The following SLC17A5 variants were observed in gnomAD, a reference collection of about 807,000 sequenced individuals.
SLC17A5 encodes the protein solute carrier family 17 member 5.
In SLC17A5, 47 loss-of-function variants were observed where a neutral mutation model predicts 59.4. The observed-to-expected ratio is 0.79, with a 90% confidence interval of 0.63 to 1.01. The LOEUF is 1.01. Ranked by LOEUF, SLC17A5 falls within the 50% of genes least tolerant of loss-of-function variation. The probability of loss-of-function intolerance (pLI) is 0.00; values close to 1 mark genes in which losing one functional copy is unlikely to be tolerated. For missense variants in SLC17A5, 522 were observed against 595.5 expected, an observed-to-expected ratio of 0.88 and a Z score of 1.28; for synonymous variants, 202 against 210.7, an observed-to-expected ratio of 0.96 and a Z score of 0.36.
At chr6:73,650,258 C>T (rs1769789347) in intron 1 of SLC17A5, among the ~76,000 whole-genome samples, 1 of 150,860 alleles carries the variant, frequency 6.6e-6, no homozygotes, top group Non-Finnish European at 1.5e-5. Context: ...GCCTGTAATC[C>T]CAGCACTCTG....
At chr6:73,650,796 A>G (rs1371245093) in intron 1 of SLC17A5, among the ~76,000 whole-genome samples, 1 of 152,166 alleles carries the variant, frequency 6.6e-6, no homozygotes. Context: ...AGAATATAAA[A>G]GTCTATAAGG....
rs144086033 is a variant in SLC17A5 at position 73,622,926 on chromosome 6, G to C, written c.820-964C>G. On this transcript the variant is annotated intron_variant, in intron 6 of 10. Coordinates refer to ENST00000355773, the MANE Select transcript of SLC17A5 (RefSeq NM_012434.5). ...ATATTTAATAAATATGTTGGCCCTG[G>C]AGTATGTCAGGTGATTACAAATCGT... Among the ~76,000 whole-genome samples the C allele has an allele frequency of 4.1e-3, 622 of 152,226 alleles. 1 individual carries two copies. Among genetic ancestry groups the C allele is most frequent in the African/African-American group, 0.014 (564 of 41,530 alleles).
intron 2 of SLC17A5, 118 bp from the exon 3 acceptor site, chr6:73,642,042 G>T: frequency 1.1e-6 from 1 of 874,990 alleles, no homozygotes; most frequent in Non-Finnish European, 1.9e-6. Context: ...TTGGACTGAA[G>T]AACATGCAAA....
At position 73,626,421 on chromosome 6, in the gene SLC17A5, C is replaced by T. The variant is rs972538701; in HGVS notation, c.820-4459G>A. On this transcript the variant is annotated intron_variant, in intron 6 of 10. Transcript: ENST00000355773. ...GTACAACACAACAGTTTTCTGTTCT[C>T]CCAATATGAATTGTAAGATCAACTT... Among the ~76,000 whole-genome samples, 3 of 152,168 alleles carry T rather than the reference C, an allele frequency of 2.0e-5. 1 individual carries two copies. The South Asian group carries it at 6.2e-4, about 32-fold the overall frequency.
At chr6:73,653,717 G>C (rs1769980525) in intron 1 of SLC17A5, 76 bp downstream of exon 1, 1 of 1,395,506 alleles carries the variant, frequency 7.2e-7, no homozygotes. Flanking sequence ...GCGGGTACCC[G>C]GGCCATGCCG....
At chr6:73,629,232 A>G (rs1398649614) in intron 6 of SLC17A5, among the ~76,000 whole-genome samples, 2 of 152,114 alleles carry the variant, frequency 1.3e-5, no homozygotes, top group Non-Finnish European at 2.9e-5. Flanking sequence ...TACAAAAAAT[A>G]CAAAAATTAG....
At chr6:73,647,526 T>C (rs1004295190) in intron 1 of SLC17A5, among the ~76,000 whole-genome samples, 1 of 152,234 alleles carries the variant, frequency 6.6e-6, no homozygotes, top group Admixed American at 6.5e-5. Context: ...TAATTTGTAA[T>C]GTTATTACTT....
chr6:73,619,399 A>C (rs1172555810), intron 7 of SLC17A5, among the ~76,000 whole-genome samples: 6 of 152,182 alleles, frequency 3.9e-5, no homozygotes, highest in African/African-American at 9.7e-5. Flanking sequence ...AACAAAGGCC[A>C]TCTGATGGCC....
intron 3 of SLC17A5, among the ~76,000 whole-genome samples, chr6:73,639,803 T>C (rs1168112613): frequency 6.6e-6 from 1 of 152,204 alleles, no homozygotes; most frequent in East Asian, 1.9e-4. Context: ...CCCAGCACTT[T>C]GGGAGGCGGA....
At position 73,594,733 on chromosome 6, in the gene SLC17A5, AT is replaced by A. The variant is rs1766719050; in HGVS notation, c.*343del. ...AGGTGTTTATCAGTACCTGAGAATT[AT>A]CATCTAGTTTAATTAAGCAAAGGTA... On this transcript the variant is annotated 3_prime_UTR_variant, in exon 11 of 11. Transcript: ENST00000355773. 1 of 308,014 alleles carries A rather than the reference AT, an allele frequency of 3.2e-6. No homozygotes were observed. The highest frequency in any genetic ancestry group is 6.2e-6 in the Non-Finnish European group (1 of 161,472). The allele number at this position is 308,014 out of a possible 1,614,324, so 19.1% of individuals were successfully genotyped here.
At chr6:73,617,804 C>T (rs892359093) in intron 7 of SLC17A5, among the ~76,000 whole-genome samples, 7 of 151,978 alleles carry the variant, frequency 4.6e-5, no homozygotes, top group Admixed American at 2.0e-4. Context: ...TGCGCCACTG[C>T]GCTCCAGCCT....
At chr6:73,652,207 G>A (rs1290931447) in intron 1 of SLC17A5, among the ~76,000 whole-genome samples, 9 of 152,174 alleles carry the variant, frequency 5.9e-5, no homozygotes, top group Non-Finnish European at 1.3e-4. Flanking sequence ...AGCCAGGAAG[G>A]ACAGGGCCAG....
intron 9 of SLC17A5, among the ~76,000 whole-genome samples, chr6:73,603,192 C>T (rs769623058): frequency 5.9e-5 from 9 of 151,772 alleles, no homozygotes; most frequent in Middle Eastern, 3.4e-3. Context: ...AGTACAGTGG[C>T]GCGATCTCAG....
rs551824111 is a variant in SLC17A5 at position 73,641,629 on chromosome 6, C to A, written c.525+62G>T. ...TCATATTCATACCAAAGAATGACAT[C>A]TTTAAGAAGAAGAGAAGGAGACACA... On this transcript the variant is annotated intron_variant, in intron 3 of 10. Transcript: ENST00000355773. 43 of 1,248,048 alleles carry A rather than the reference C, an allele frequency of 3.4e-5. No homozygotes were observed. The African/African-American group carries it at 5.4e-4, about 16-fold the overall frequency. The allele number at this position is 1,248,048 out of a possible 1,614,324, so 77.3% of individuals were successfully genotyped here.
chr6:73,599,616 G>C (rs952218486), intron 10 of SLC17A5, among the ~76,000 whole-genome samples: 1 of 152,162 alleles, frequency 6.6e-6, no homozygotes, highest in Non-Finnish European at 1.5e-5. Context: ...TTGAGACACA[G>C]AACTTTAGAA....
intron 8 of SLC17A5, among the ~76,000 whole-genome samples, chr6:73,612,599 G>A (rs1767680203): frequency 6.6e-6 from 1 of 152,074 alleles, no homozygotes; most frequent in East Asian, 1.9e-4. Context: ...TTTAGAGATA[G>A]GGTATTGCTC....
intron 6 of SLC17A5, among the ~76,000 whole-genome samples, chr6:73,629,035 G>T (rs1212894503): frequency 6.6e-6 from 1 of 152,172 alleles, no homozygotes; most frequent in Non-Finnish European, 1.5e-5. Flanking sequence ...GCTTCGCAAT[G>T]CTGCAAAATT....
intron 6 of SLC17A5, among the ~76,000 whole-genome samples, chr6:73,628,773 CT>C (rs1307029921): frequency 3.3e-5 from 5 of 152,168 alleles, no homozygotes; most frequent in African/African-American, 1.2e-4. Flanking sequence ...GCTCAATCAA[CT>C]TTTTTTCCAT....
intron 7 of SLC17A5, among the ~76,000 whole-genome samples, chr6:73,615,759 G>GTTAGCCTAGTTC: frequency 6.6e-6 from 1 of 151,508 alleles, no homozygotes; most frequent in Non-Finnish European, 1.5e-5. Flanking sequence ...TTAGCCTATG[G>GTTAGCCTAGTTC]ATTCTCCCTA....
Sources: allele counts gnomAD v4.1 joint callset (sites outside exome capture counted in the v4.1 genomes callset), GRCh38; gene constraint gnomAD v4.1.1; transcripts MANE v1.5; gene names NCBI Gene and HGNC (gene_info 2026-07-23, HGNC 2026-07-21).